The following GRIK5 variants were observed in gnomAD, a reference collection of about 807,000 sequenced individuals.
The protein encoded by GRIK5 is glutamate ionotropic receptor kainate type subunit 5, also known as glutamate receptor ionotropic, kainate 5.
Under a neutral mutation model 97.4 loss-of-function variants are expected in GRIK5, and 43 were observed. That is an observed-to-expected ratio of 0.44 (90% CI 0.35 to 0.57). The LOEUF (loss-of-function observed/expected upper bound fraction) is 0.57, where lower values mean the gene tolerates loss of function less well. Ranked by LOEUF, GRIK5 falls within the 20% of genes least tolerant of loss-of-function variation. The pLI, the probability that GRIK5 is intolerant of heterozygous loss-of-function variation, is 0.01. For synonymous variants in GRIK5, 580 were observed against 583.5 expected, an observed-to-expected ratio of 0.99 and a Z score of 0.09; for missense variants, 1,015 against 1,382.0, an observed-to-expected ratio of 0.73 and a Z score of 4.21.
At position 42,022,224 on chromosome 19, in the gene GRIK5, C is replaced by T. The variant is rs749698277; in HGVS notation, c.1587+17G>A. On this transcript the variant is annotated intron_variant, in intron 13 of 19. Transcript: ENST00000593562. The surrounding 1 kb of genome is among the most constrained non-coding windows in gnomAD (Gnocchi z 4.2). Reference sequence around the variant, plus strand: ...CCATGCCAGGCAAGCAGCCCATGGTCTCCAGGGGAACCATACCATGTGCAC... The same window carrying T: ...CCATGCCAGGCAAGCAGCCCATGGTTTCCAGGGGAACCATACCATGTGCAC... The T allele has an allele frequency of 9.6e-6, 15 of 1,569,380 alleles. No homozygotes were observed. Among genetic ancestry groups the T allele is most frequent in the Non-Finnish European group, 1.3e-5 (15 of 1,139,206 alleles).
chr19:42,017,161 G>A (rs1434645945), intron 15 of GRIK5, among the ~76,000 whole-genome samples: 3 of 152,198 alleles, frequency 2.0e-5, no homozygotes, highest in Non-Finnish European at 4.4e-5. Flanking sequence ...ACAGTGACTT[G>A]TATTTGCACA....
intron 12 of GRIK5, among the ~76,000 whole-genome samples, chr19:42,035,181 A>G (rs1046885544): frequency 1.3e-5 from 2 of 151,800 alleles, no homozygotes; most frequent in African/African-American, 4.8e-5. Context: ...GGGTTTCTCC[A>G]TGTTGGTCAG....
At chr19:42,037,149 G>T (rs1265309586) in intron 12 of GRIK5, among the ~76,000 whole-genome samples, 1 of 152,170 alleles carries the variant, frequency 6.6e-6, no homozygotes, top group African/African-American at 2.4e-5. Flanking sequence ...GTGCAAATGC[G>T]CTCTCATTTA....
intron 12 of GRIK5, among the ~76,000 whole-genome samples, chr19:42,027,657 G>A (rs2075788855): frequency 6.6e-6 from 1 of 152,174 alleles, no homozygotes; most frequent in Non-Finnish European, 1.5e-5. Context: ...AGTGCTGGGG[G>A]CAGGACTGAG....
At position 42,069,679 on chromosome 19, in the gene GRIK5, G is replaced by C. The variant is rs1198091620; in HGVS notation, c.-489C>G. On this transcript the variant is annotated 5_prime_UTR_variant, in exon 1 of 20. Transcript: ENST00000593562. Reference sequence around the variant, plus strand: ...GGGGGGCCACAGGGGGCGAGGACTGGGTGGAGAAAAGGAAGCCGGCCATCA... The same window carrying C: ...GGGGGGCCACAGGGGGCGAGGACTGCGTGGAGAAAAGGAAGCCGGCCATCA... 6.6e-6 allele frequency among the ~76,000 whole-genome samples: 1 copy of C among 151,188 alleles called. No individual in the cohort carries two copies. The highest frequency in any genetic ancestry group is 2.0e-4 in the East Asian group (1 of 5,078).
At chr19:42,060,023 T>C (rs1347464810) in intron 5 of GRIK5, among the ~76,000 whole-genome samples, 1 of 151,928 alleles carries the variant, frequency 6.6e-6, no homozygotes, top group East Asian at 1.9e-4. Flanking sequence ...AGCCTGCCCC[T>C]GAGTCTGTTC....
chr19:42,054,215 G>C (rs1236949218), intron 9 of GRIK5, 105 bp downstream of exon 9: 1 of 1,244,746 alleles, frequency 8.0e-7, no homozygotes, highest in Non-Finnish European at 1.1e-6. Flanking sequence ...AGTGGGTACG[G>C]TGGGAAGAGC....
chr19:42,003,729 C>T lies in GRIK5; in HGVS notation c.2264-46G>A. 1 of 1,532,422 alleles carries T rather than the reference C, an allele frequency of 6.5e-7. No homozygotes were observed. The highest frequency in any genetic ancestry group is 8.8e-7 in the Non-Finnish European group (1 of 1,141,524). 94.9% of individuals were successfully genotyped at this position (1,532,422 alleles called of 1,614,324 possible). On this transcript the variant is annotated intron_variant, in intron 17 of 19. Coordinates refer to ENST00000593562, the MANE Select transcript of GRIK5 (RefSeq NM_002088.5). The surrounding 1 kb of genome is among the most constrained non-coding windows in gnomAD (Gnocchi z 4.2). Reference sequence around the variant, plus strand: ...CTGGACCAGCCATCGGGCCCTGCAGCCCTGACCGCCCCAAACCCCAAACTG... The same window carrying T: ...CTGGACCAGCCATCGGGCCCTGCAGTCCTGACCGCCCCAAACCCCAAACTG...
chr19:42,042,928 A>G lies in GRIK5; in HGVS notation c.1270-173T>C. On this transcript the variant is annotated intron_variant, in intron 11 of 19. Coordinates refer to ENST00000593562, the MANE Select transcript of GRIK5 (RefSeq NM_002088.5). This position sits in a 1 kb window ranked among gnomAD's most constrained non-coding sequence, Gnocchi z 6.9. ...TGCTCAGAGTGGGGAATAGACCTGA[A>G]AGCCAGGGAAAAACACATGGGTACT... The G allele has an allele frequency of 1.6e-6, 1 of 611,998 alleles. No homozygotes were observed. The highest frequency in any genetic ancestry group is 2.0e-5 in the South Asian group (1 of 50,280). The allele number at this position is 611,998 out of a possible 1,614,324, so 37.9% of individuals were successfully genotyped here. A position where few individuals can be genotyped will look rare whatever the true frequency, so the allele number is the denominator to read the frequency against.
chr19:42,038,589 C>G (rs2075937577), intron 12 of GRIK5, among the ~76,000 whole-genome samples: 1 of 152,234 alleles, frequency 6.6e-6, no homozygotes, highest in Non-Finnish European at 1.5e-5. Flanking sequence ...GCGTGCCACT[C>G]CATCAGTGTA....
At chr19:42,004,070 G>A (rs566684457) in intron 17 of GRIK5, among the ~76,000 whole-genome samples, 9 of 152,144 alleles carry the variant, frequency 5.9e-5, no homozygotes, top group East Asian at 1.9e-4. Flanking sequence ...GTCCCTCTCC[G>A]CACTTCATCC....
chr19:42,059,542 G>C lies in GRIK5; in HGVS notation c.509-15C>G. On this transcript the variant is annotated splice_polypyrimidine_tract_variant and intron_variant, in intron 5 of 19. Transcript: ENST00000593562. ...TCGCAGCAGGCCTGAGGGAGGGGTG[G>C]GGCCTTGGGTTGGAGCCCTTCTGGG... 1.2e-6 allele frequency: 2 copies of C among 1,606,010 alleles called. No individual in the cohort carries two copies. The highest frequency in any genetic ancestry group is 4.5e-5 in the East Asian group (2 of 44,748).
Position 42,006,174 on chromosome 19 carries a change from G to A in GRIK5, c.2038-226C>T, listed in dbSNP as rs1380685071. Among the ~76,000 whole-genome samples, 5 of 152,030 alleles carry A rather than the reference G, an allele frequency of 3.3e-5. No individual in the cohort carries two copies. Among genetic ancestry groups the A allele is most frequent in the South Asian group, 2.1e-4 (1 of 4,824 alleles). On this transcript the variant is annotated intron_variant, in intron 16 of 19. Transcript: ENST00000593562. The surrounding 1 kb of genome is among the most constrained non-coding windows in gnomAD (Gnocchi z 5.3). The stretch of plus-strand genomic sequence containing the variant: ...TGCCCACCACCCACCTGGGGGGCCC[G>A]GTGAGTGCACCTCCACCTCCTTCCC...
intron 15 of GRIK5, among the ~76,000 whole-genome samples, chr19:42,013,251 C>T (rs571955572): frequency 4.0e-5 from 6 of 151,494 alleles, no homozygotes; most frequent in African/African-American, 1.5e-4. Flanking sequence ...ACTCAGTAGG[C>T]GGAGGCAGGA....
Position 42,051,091 on chromosome 19 carries a change from C to T in GRIK5, c.1269+2511G>A, listed in dbSNP as rs568271428. Among the ~76,000 whole-genome samples the T allele has an allele frequency of 3.0e-4, 45 of 152,280 alleles. 1 individual carries two copies. Among genetic ancestry groups the T allele is most frequent in the Admixed American group, 6.5e-4 (10 of 15,300 alleles). On this transcript the variant is annotated intron_variant, in intron 11 of 19. Transcript: ENST00000593562. ...GCAGCAGAGAGACTACTCTTAACTGCCACACTAGTCACCAAAGGGCAGAGT... is the reference window on the plus strand; with the variant it reads ...GCAGCAGAGAGACTACTCTTAACTGTCACACTAGTCACCAAAGGGCAGAGT...
chr19:41,999,099 G>GC lies in GRIK5; in HGVS notation c.2714dup (p.Gln907AlafsTer227). On this transcript the variant is annotated frameshift_variant, in exon 20 of 20. Transcript: ENST00000593562. LOFTEE classifies it low-confidence loss of function (END_TRUNC). This position sits in a 1 kb window ranked among gnomAD's most constrained non-coding sequence, Gnocchi z 5.0. ...CCGGGTCGTCCAGGAGGCGCTGCGGGCCCCCGTGCGCGCTGCCCGCATCCC... is the reference window on the plus strand; with the variant it reads ...CCGGGTCGTCCAGGAGGCGCTGCGGGCCCCCCGTGCGCGCTGCCCGCATCCC... The GC allele has an allele frequency of 7.4e-7, 1 of 1,348,630 alleles. No homozygotes were observed. The highest frequency in any genetic ancestry group is 3.7e-5 in the Admixed American group (1 of 26,964). 83.5% of individuals were successfully genotyped at this position (1,348,630 alleles called of 1,614,324 possible). A position where few individuals can be genotyped will look rare whatever the true frequency, so the allele number is the denominator to read the frequency against.
intron 15 of GRIK5, among the ~76,000 whole-genome samples, chr19:42,011,116 AACACACACACAC>A (rs112305468): frequency 1.4e-4 from 21 of 146,486 alleles, no homozygotes; most frequent in Non-Finnish European, 2.1e-4. Context: ...TTTACTATCT[AACACACACACAC>A]ACACACACAC....
chr19:42,047,107 C>T (rs538793296), intron 11 of GRIK5, among the ~76,000 whole-genome samples: 1 of 151,854 alleles, frequency 6.6e-6, no homozygotes. Context: ...AGGCTGGTCT[C>T]GAACTCCTGA....
chr19:42,048,865 C>T (rs1244401763), intron 11 of GRIK5, among the ~76,000 whole-genome samples: 1 of 151,786 alleles, frequency 6.6e-6, no homozygotes, highest in African/African-American at 2.4e-5. Context: ...ATGGTAAAAC[C>T]CTGTCAATTA....
Sources: allele counts gnomAD v4.1 joint callset (sites outside exome capture counted in the v4.1 genomes callset), GRCh38; gene constraint gnomAD v4.1.1; non-coding constraint Gnocchi (gnomAD v3.1); transcripts MANE v1.5; gene names NCBI Gene and HGNC (gene_info 2026-07-23, HGNC 2026-07-21).